The following COL28A1 variants were observed in gnomAD, a reference collection of about 807,000 sequenced individuals.
COL28A1 encodes collagen alpha-1(XXVIII) chain.
In COL28A1, 161 loss-of-function variants were observed where a neutral mutation model predicts 150.2. That is an observed-to-expected ratio of 1.07 (90% CI 0.94 to 1.22). COL28A1 has a LOEUF of 1.22. Ranked by LOEUF, COL28A1 falls within the 50% of genes most tolerant of loss-of-function variation. The pLI is 0.00. For missense variants in COL28A1, 1,617 were observed against 1,388.3 expected (o/e 1.16, Z -2.62); for synonymous variants, 552 against 469.7 (o/e 1.18, Z -2.26).
chr7:7,358,295 T>TA lies in COL28A1; in HGVS notation c.*337dup. ...TAGGGGTTTGAGCTGACATAGTACA[T>TA]ACAACAGGAATTAAAGGAATCAGAA... On this transcript the variant is annotated 3_prime_UTR_variant, in exon 35 of 35. Coordinates refer to ENST00000399429, the MANE Select transcript of COL28A1 (RefSeq NM_001037763.3). 5.4e-6 allele frequency: 1 copy of TA among 184,800 alleles called. No homozygotes were observed. 11.4% of individuals were successfully genotyped at this position (184,800 alleles called of 1,614,324 possible).
At chr7:7,374,489 T>C (rs1781440092) in intron 31 of COL28A1, among the ~76,000 whole-genome samples, 1 of 152,072 alleles carries the variant, frequency 6.6e-6, no homozygotes, top group Admixed American at 6.6e-5. Context: ...CAGCAGTACA[T>C]CCATGCTATG....
intron 21 of COL28A1, among the ~76,000 whole-genome samples, chr7:7,438,226 T>C (rs1785488709): frequency 6.6e-6 from 1 of 152,134 alleles, no homozygotes; most frequent in African/African-American, 2.4e-5. Flanking sequence ...CACTCCAGCC[T>C]GACCAACAGA....
intron 15 of COL28A1, among the ~76,000 whole-genome samples, chr7:7,464,072 TTATATAATGA>T (rs1363784637): frequency 6.6e-6 from 1 of 152,194 alleles, no homozygotes; most frequent in African/African-American, 2.4e-5. Context: ...AAGAAGGTCA[TTATATAATGA>T]TAAAAGGCCT....
intron 11 of COL28A1, among the ~76,000 whole-genome samples, chr7:7,493,374 T>C (rs1258405766): frequency 6.6e-6 from 1 of 152,120 alleles, no homozygotes; most frequent in African/African-American, 2.4e-5. Context: ...CCTTGAAATG[T>C]ATGGATCAGG....
chr7:7,396,237 T>A (rs1469870319), intron 27 of COL28A1, among the ~76,000 whole-genome samples: 1 of 152,228 alleles, frequency 6.6e-6, no homozygotes, highest in East Asian at 1.9e-4. Context: ...CTAATTCTCC[T>A]ACTGTAACCA....
At position 7,507,147 on chromosome 7, in the gene COL28A1, T is replaced by C. The variant is rs1251214373; in HGVS notation, c.942A>G (p.Pro314=). Reference sequence around the variant, plus strand: ...TTCCTCTGGGTCCCTTTGGTCCATATGGCCCTGGGGATCCCTGTGGAATAA... The same window carrying C: ...TTCCTCTGGGTCCCTTTGGTCCATACGGCCCTGGGGATCCCTGTGGAATAA... ...GIKGDKGSPG[P]YGPKGPRGIQ... is the part of the protein sequence containing the mutation. The change falls in exon 10 of 35, where the codon CCA becomes CCG. Residue 314 remains proline, a synonymous_variant. Coordinates refer to ENST00000399429, the MANE Select transcript of COL28A1 (RefSeq NM_001037763.3). The C allele has an allele frequency of 7.9e-7, 1 of 1,263,490 alleles. No individual in the cohort carries two copies. Among genetic ancestry groups the C allele is most frequent in the African/African-American group, 1.5e-5 (1 of 68,242 alleles). The allele number at this position is 1,263,490 out of a possible 1,614,324, so 78.3% of individuals were successfully genotyped here. A position where few individuals can be genotyped will look rare whatever the true frequency, so the allele number is the denominator to read the frequency against.
rs1562834256 is a variant in COL28A1, at chr7:7,497,094, A to AAGGAAGGAAGG, written c.1027-6449_1027-6448insCCTTCCTTCCT. Among the ~76,000 whole-genome samples, 185 of 123,852 alleles carry AAGGAAGGAAGG rather than the reference A, an allele frequency of 1.5e-3. 2 individuals carry two copies. Among genetic ancestry groups the AAGGAAGGAAGG allele is most frequent in the East Asian group, 6.8e-3 (28 of 4,100 alleles). The allele number at this position is 123,852 out of a possible 152,430, so 81.3% of individuals were successfully genotyped here. On this transcript the variant is annotated intron_variant, in intron 11 of 34. Transcript: ENST00000399429. ...GAAAGGAAGGAAGAAAGGAAGGAAGAAAGGAAGGAAGGAAGGAAGGAAGGA... is the reference window on the plus strand; with the variant it reads ...GAAAGGAAGGAAGAAAGGAAGGAAGAAGGAAGGAAGGAAGGAAGGAAGGAAGGAAGGAAGGA...
intron 3 of COL28A1, among the ~76,000 whole-genome samples, chr7:7,529,132 CA>C (rs1326067480): frequency 2.4e-4 from 37 of 151,424 alleles, no homozygotes; most frequent in Non-Finnish European, 4.1e-4. Context: ...CTCAAAAATA[CA>C]AAAAAATGAG....
chr7:7,377,502 C>G (rs1040878974), intron 30 of COL28A1, among the ~76,000 whole-genome samples: 1 of 152,158 alleles, frequency 6.6e-6, no homozygotes, highest in East Asian at 1.9e-4. Flanking sequence ...GAGGCAGACT[C>G]TGACCAGGCT....
chr7:7,425,937 C>T (rs1406436436), intron 25 of COL28A1, among the ~76,000 whole-genome samples: 1 of 152,030 alleles, frequency 6.6e-6, no homozygotes, highest in Non-Finnish European at 1.5e-5. Flanking sequence ...AATAATCAGC[C>T]CATTAGATTA....
At chr7:7,347,699 C>G in the COL28A1 span, among the ~76,000 whole-genome samples, 4 of 152,150 alleles carry the variant, frequency 2.6e-5, no homozygotes, top group African/African-American at 9.6e-5. Context: ...CTTATATAGT[C>G]TGTAGGAGAC....
upstream of COL28A1, among the ~76,000 whole-genome samples, chr7:7,536,276 G>A (rs1583596243): frequency 6.6e-6 from 1 of 152,012 alleles, no homozygotes; most frequent in African/African-American, 2.4e-5. Context: ...GTACATAGGT[G>A]TGCATTGTTC....
At chr7:7,462,623 C>T (rs1787721413) in intron 15 of COL28A1, among the ~76,000 whole-genome samples, 1 of 152,128 alleles carries the variant, frequency 6.6e-6, no homozygotes, top group Non-Finnish European at 1.5e-5. Flanking sequence ...CTTTGGGAGG[C>T]CGAGGCAGAT....
At position 7,526,801 on chromosome 7, in the gene COL28A1, ATT is replaced by A. The variant is rs530055798; in HGVS notation, c.682-2554_682-2553del. On this transcript the variant is annotated intron_variant, in intron 3 of 34. Coordinates refer to ENST00000399429, the MANE Select transcript of COL28A1 (RefSeq NM_001037763.3). ...CAGAGCACGCCAACAAGCCAGGGTA[ATT>A]TTTGTATTTTTAGTAGAGACAGGGT... Among the ~76,000 whole-genome samples, 237 of 152,074 alleles carry A rather than the reference ATT, an allele frequency of 1.6e-3. 1 individual carries two copies. Among genetic ancestry groups the A allele is most frequent in the African/African-American group, 5.4e-3 (224 of 41,472 alleles).
At chr7:7,528,837 C>T (rs952187790) in intron 3 of COL28A1, among the ~76,000 whole-genome samples, 2 of 152,062 alleles carry the variant, frequency 1.3e-5, no homozygotes, top group African/African-American at 4.8e-5. Context: ...ATGTCAAAAG[C>T]TCATGGAATT....
chr7:7,418,512 C>T (rs1784226630), intron 26 of COL28A1, among the ~76,000 whole-genome samples: 1 of 152,146 alleles, frequency 6.6e-6, no homozygotes, highest in Non-Finnish European at 1.5e-5. Flanking sequence ...ATGCGCTTTC[C>T]CTTGGAGATC....
chr7:7,401,343 T>C (rs903160749), intron 27 of COL28A1, among the ~76,000 whole-genome samples: 2 of 152,112 alleles, frequency 1.3e-5, no homozygotes, highest in Non-Finnish European at 2.9e-5. Context: ...ATACCATCTA[T>C]AAATTGTTAA....
In COL28A1 at chr7:7,414,522, C is replaced by A. The variant is rs534941956; in HGVS notation, c.2136+3337G>T. Reference sequence around the variant, plus strand: ...TGCCATGGTACTAAATAAAGAGGGGCGAGCCCATCGTGCTCTCAGGGTTTT... The same window carrying A: ...TGCCATGGTACTAAATAAAGAGGGGAGAGCCCATCGTGCTCTCAGGGTTTT... On this transcript the variant is annotated intron_variant, in intron 27 of 34. Transcript: ENST00000399429. Among the ~76,000 whole-genome samples, 6 of 152,296 alleles carry A rather than the reference C, an allele frequency of 3.9e-5. No homozygotes were observed. In the South Asian group the frequency reaches 1.2e-3, roughly 32 times the overall value.
At chr7:7,474,087 A>ATATG (rs1788678485) in intron 15 of COL28A1, among the ~76,000 whole-genome samples, 1 of 138,562 alleles carries the variant, frequency 7.2e-6, no homozygotes, top group Non-Finnish European at 1.5e-5. Flanking sequence ...ATATATATAT[A>ATATG]TGTGATGGAA....
Sources: allele counts gnomAD v4.1 joint callset (sites outside exome capture counted in the v4.1 genomes callset), GRCh38; gene constraint gnomAD v4.1.1; transcripts MANE v1.5; gene names NCBI Gene and HGNC (gene_info 2026-07-23, HGNC 2026-07-21).